SF3B1: variants seen among roughly 807,000 people sequenced by gnomAD.
SF3B1 encodes the protein pre-mRNA processing 10.
In SF3B1, 12 loss-of-function variants were observed where a neutral mutation model predicts 153.8. That is an observed-to-expected ratio of 0.08 (90% CI 0.05 to 0.13). The LOEUF (loss-of-function observed/expected upper bound fraction) is 0.13, where lower values mean the gene tolerates loss of function less well. Ranked by LOEUF, SF3B1 falls within the 10% of genes least tolerant of loss-of-function variation. The probability of loss-of-function intolerance (pLI) is 1.00; values close to 1 mark genes in which losing one functional copy is unlikely to be tolerated. For missense variants in SF3B1, 513 were observed against 1,606.1 expected (o/e 0.32, Z 11.63); for synonymous variants, 498 against 525.2 (o/e 0.95, Z 0.71).
chr2:197,394,193 A>G (rs528161931), intron 23 of SF3B1, among the ~76,000 whole-genome samples: 17 of 152,296 alleles, frequency 1.1e-4, no homozygotes, highest in South Asian at 2.1e-4. Flanking sequence ...TCAAAAAAAA[A>G]AGAAAAATTA....
chr2:197,406,116 CAA>C (rs1461560774), intron 9 of SF3B1, among the ~76,000 whole-genome samples: 1 of 104,492 alleles, frequency 9.6e-6, no homozygotes. Context: ...TAACAGACTT[CAA>C]AAAAAAAAAA....
intron 2 of SF3B1, among the ~76,000 whole-genome samples, chr2:197,422,220 T>C (rs2085255251): frequency 6.6e-6 from 1 of 151,972 alleles, no homozygotes; most frequent in African/African-American, 2.4e-5. Flanking sequence ...TTCTAGAAAT[T>C]TCACCTTTTG....
intron 1 of SF3B1, among the ~76,000 whole-genome samples, chr2:197,425,224 G>A (rs565321223): frequency 2.0e-5 from 3 of 152,352 alleles, no homozygotes; most frequent in African/African-American, 7.2e-5. Flanking sequence ...CCAGCACTTC[G>A]GGAGGCCGAG....
chr2:197,415,981 AT>A (rs35479143), intron 6 of SF3B1, among the ~76,000 whole-genome samples: 23,964 of 136,240 alleles, frequency 0.18, 1,813 homozygotes, highest in Middle Eastern at 0.25. Context: ...TGCCCAGCTA[AT>A]TTTTTTTTTT....
At chr2:197,414,137 C>G (rs888383993) in intron 6 of SF3B1, among the ~76,000 whole-genome samples, 2 of 152,102 alleles carry the variant, frequency 1.3e-5, no homozygotes, top group Non-Finnish European at 2.9e-5. Context: ...CAAACAGACA[C>G]AGGAAAGACC....
Position 197,416,835 on chromosome 2 carries a change from T to C in SF3B1, c.572A>G (p.Gln191Arg). The C allele has an allele frequency of 6.2e-7, 1 of 1,614,228 alleles. No individual in the cohort carries two copies. Among genetic ancestry groups the C allele is most frequent in the Non-Finnish European group, 8.5e-7 (1 of 1,180,014 alleles). Residue 191 changes from glutamine (Q) to arginine (R), a missense_variant, in exon 6 of 25, where the codon CAG becomes CGG. Transcript: ENST00000335508. ...ACGCCGTTTTCGTTTTGATGGAGGCTGGGACGCTGCTGCTCCATTGACGAC... is the reference window on the plus strand; with the variant it reads ...ACGCCGTTTTCGTTTTGATGGAGGCCGGGACGCTGCTGCTCCATTGACGAC... ...LKVVNGAAAS[Q>R]PPSKRKRRWD... is the part of the protein sequence containing the mutation.
At chr2:197,420,741 T>C (rs780128592) in intron 3 of SF3B1, among the ~76,000 whole-genome samples, 199 bp from the exon 4 acceptor site, 2 of 152,192 alleles carry the variant, frequency 1.3e-5, no homozygotes, top group African/African-American at 2.4e-5. Flanking sequence ...CACATTTCCA[T>C]AGTTCAATGC....
rs2084815963 is a variant in SF3B1, at chr2:197,392,157, T to C, written c.*146A>G. On this transcript the variant is annotated 3_prime_UTR_variant, in exon 25 of 25. Transcript: ENST00000335508. ...TAACATCAAAAACAAAGACAGGTTA[T>C]TTAAAAATCATGCTACTGGATTTCT... 2 of 467,016 alleles carry C rather than the reference T, an allele frequency of 4.3e-6. No individual in the cohort carries two copies. Among genetic ancestry groups the C allele is most frequent in the South Asian group, 4.6e-5 (1 of 21,778 alleles). The allele number at this position is 467,016 out of a possible 1,614,324, so 28.9% of individuals were successfully genotyped here.
Position 197,423,835 on chromosome 2 carries a change from T to A in SF3B1, c.168A>T (p.Thr56=). 1.9e-6 allele frequency: 3 copies of A among 1,613,950 alleles called. No individual in the cohort carries two copies. Among genetic ancestry groups the A allele is most frequent in the Non-Finnish European group, 2.5e-6 (3 of 1,179,984 alleles). The part of the protein sequence containing the change: ...GSDSRFAGYV[T]SIAATELEDD... ...CTTCAAGTTCAGTTGCAGCAATTGA[T>A]GTCACGTATCCAGCAAATCTGCTGT... Residue 56 remains threonine, a synonymous_variant, in exon 2 of 25, where the codon ACA becomes ACT. Transcript: ENST00000335508.
Position 197,408,571 on chromosome 2 carries a change from C to T in SF3B1, c.915G>A (p.Gly305=). ...GAGTCTCAGCCCATCCACTTCCATG[C>T]CCAGGAGTATCTTTAAAAAGAAAGA... ...ETPKTERDTP[G]HGSGWAETPR... The change falls in exon 8 of 25, where the codon GGG becomes GGA. Residue 305 remains glycine (G), a synonymous_variant. Transcript: ENST00000335508. 1 of 1,609,798 alleles carries T rather than the reference C, an allele frequency of 6.2e-7. No individual in the cohort carries two copies. The highest frequency in any genetic ancestry group is 8.5e-7 in the Non-Finnish European group (1 of 1,177,676).
rs796442311 is a variant in SF3B1 at position 197,424,296 on chromosome 2, G to A, written c.29-322C>T. ...GGCGATCACTTGAGGTCAGGAGTTCGAGACCAACCTGGCCAACATATAGCG... is the reference window on the plus strand; with the variant it reads ...GGCGATCACTTGAGGTCAGGAGTTCAAGACCAACCTGGCCAACATATAGCG... On this transcript the variant is annotated intron_variant, in intron 1 of 24. Transcript: ENST00000335508. 4.6e-5 allele frequency among the ~76,000 whole-genome samples: 7 copies of A among 152,034 alleles called. 1 individual carries two copies. The South Asian group carries it at 8.3e-4, about 18-fold the overall frequency.
chr2:197,391,612 C>G lies in SF3B1; in HGVS notation c.*691G>C, dbSNP rs762850507. ...CACAGCAGACCTGTCAAGTGTTGGA[C>G]AAGACTTAAACCACTTTCTTTAAAT... On this transcript the variant is annotated 3_prime_UTR_variant, in exon 25 of 25. Coordinates refer to ENST00000335508, the MANE Select transcript of SF3B1 (RefSeq NM_012433.4). The G allele has an allele frequency of 1.3e-5, 2 of 152,228 alleles. No homozygotes were observed. Among genetic ancestry groups the G allele is most frequent in the Non-Finnish European group, 2.9e-5 (2 of 68,046 alleles). The allele number at this position is 152,228 out of a possible 1,614,324, so 9.4% of individuals were successfully genotyped here.
At chr2:197,426,718 G>T (rs948538067) in intron 1 of SF3B1, among the ~76,000 whole-genome samples, 4 of 152,098 alleles carry the variant, frequency 2.6e-5, no homozygotes, top group Non-Finnish European at 4.4e-5. Flanking sequence ...CTCAGGCTGT[G>T]AAGCCCAGGA....
chr2:197,434,895 A>G (rs2085498547), intron 1 of SF3B1, 77 bp downstream of exon 1: 2 of 1,490,318 alleles, frequency 1.3e-6, no homozygotes, highest in Non-Finnish European at 1.9e-6. Context: ...ACCATAGAAA[A>G]AGGCAGAATC....
Position 197,390,421 on chromosome 2 carries a change from G to C in SF3B1, c.*1882C>G, listed in dbSNP as rs1306111746. 6.6e-6 allele frequency: 1 copy of C among 152,184 alleles called. No homozygotes were observed. The highest frequency in any genetic ancestry group is 1.5e-5 in the Non-Finnish European group (1 of 68,050). 9.4% of individuals were successfully genotyped at this position (152,184 alleles called of 1,614,324 possible). On this transcript the variant is annotated 3_prime_UTR_variant, in exon 25 of 25. Transcript: ENST00000335508. Reference sequence around the variant, plus strand: ...TGAAGGTCATTTGACATCAACCATAGAGAGCAGTGAGATTTAAAGTTGCAT... The same window carrying C: ...TGAAGGTCATTTGACATCAACCATACAGAGCAGTGAGATTTAAAGTTGCAT...
rs2084791033 is a variant in SF3B1, at chr2:197,389,812, G to C, written c.*2491C>G. 6.6e-6 allele frequency: 1 copy of C among 152,120 alleles called. No individual in the cohort carries two copies. Among genetic ancestry groups the C allele is most frequent in the Admixed American group, 6.6e-5 (1 of 15,260 alleles). The allele number at this position is 152,120 out of a possible 1,614,324, so 9.4% of individuals were successfully genotyped here. ...AGATATAATACGTTTTATTCATCTA[G>C]TGGTACTTGGTGCTCACAGGGCACT... On this transcript the variant is annotated 3_prime_UTR_variant, in exon 25 of 25. Coordinates refer to ENST00000335508, the MANE Select transcript of SF3B1 (RefSeq NM_012433.4).
chr2:197,397,872 C>T (rs768548417), intron 22 of SF3B1, 113 bp downstream of exon 22: 4 of 620,148 alleles, frequency 6.5e-6, no homozygotes, highest in Admixed American at 6.8e-5. Context: ...GCTTTCTCAA[C>T]TGCATTATTC....
intron 6 of SF3B1, among the ~76,000 whole-genome samples, chr2:197,410,696 G>A (rs1483983041): frequency 6.6e-6 from 1 of 151,784 alleles, no homozygotes; most frequent in Admixed American, 6.6e-5. Flanking sequence ...AGTAGAAACA[G>A]GGTTTCTCCA....
At chr2:197,406,177 G>A (rs1301216990) in intron 9 of SF3B1, among the ~76,000 whole-genome samples, 1 of 150,352 alleles carries the variant, frequency 6.7e-6, no homozygotes, top group African/African-American at 2.4e-5. Flanking sequence ...GCTGAGATGG[G>A]AGGAACGCTT....
Sources: allele counts gnomAD v4.1 joint callset (sites outside exome capture counted in the v4.1 genomes callset), GRCh38; gene constraint gnomAD v4.1.1; transcripts MANE v1.5; gene names NCBI Gene and HGNC (gene_info 2026-07-23, HGNC 2026-07-21).